The following CSMD1 variants were observed in gnomAD, a reference collection of about 807,000 sequenced individuals.
CSMD1 encodes CUB and Sushi multiple domains 1.
In CSMD1, 213 loss-of-function variants were observed where a neutral mutation model predicts 417.5. The observed-to-expected ratio is 0.51, with a 90% confidence interval of 0.46 to 0.57. CSMD1 has a LOEUF of 0.57. Ranked by LOEUF, CSMD1 falls within the 20% of genes least tolerant of loss-of-function variation. The pLI is 0.00. For synonymous variants in CSMD1, 2,862 were observed against 1,736.8 expected (o/e 1.65, Z -16.11); for missense variants, 6,923 against 4,529.7 (o/e 1.53, Z -15.17).
intron 1 of CSMD1, among the ~76,000 whole-genome samples, chr8:4,979,756 G>A (rs1477794597): frequency 6.6e-6 from 1 of 152,118 alleles, no homozygotes; most frequent in African/African-American, 2.4e-5. Context: ...TTAACTAGTT[G>A]GCCACGCGTG....
intron 2 of CSMD1, among the ~76,000 whole-genome samples, chr8:4,482,762 T>G (rs759530680): frequency 3.3e-5 from 5 of 152,190 alleles, no homozygotes; most frequent in African/African-American, 4.8e-5. Flanking sequence ...CATCTGTTAT[T>G]TTTTGACTTG....
Position 2,963,237 on chromosome 8 carries a change from T to A in CSMD1, c.9439A>T (p.Ile3147Phe). 1 of 1,613,916 alleles carries A rather than the reference T, an allele frequency of 6.2e-7. No individual in the cohort carries two copies. The highest frequency in any genetic ancestry group is 8.5e-7 in the Non-Finnish European group (1 of 1,179,854). ...CEGRGVWKGE[I>F]PQCLPVFCGD... ...TAGAACTTACGGAGACACTGGGGGA[T>A]CTCTCCTTTCCACACCCCGCGACCT... Residue 3147 changes from isoleucine (I) to phenylalanine (F), a missense_variant, in exon 60 of 70, where the codon ATC becomes TTC. By Grantham distance (21) the Ile-to-Phe change is conservative. Transcript: ENST00000635120.
At chr8:4,792,416 T>A (rs932237143) in intron 1 of CSMD1, among the ~76,000 whole-genome samples, 3 of 152,206 alleles carry the variant, frequency 2.0e-5, no homozygotes, top group African/African-American at 7.2e-5. Context: ...CTACTCAATA[T>A]TCAGCAGTGG....
intron 3 of CSMD1, among the ~76,000 whole-genome samples, chr8:4,034,461 T>C (rs906581759): frequency 3.3e-5 from 5 of 152,234 alleles, no homozygotes; most frequent in African/African-American, 9.6e-5. Flanking sequence ...GAAAATTCTG[T>C]ATTTAATTCC....
At chr8:3,918,981 AC>A (rs1809028386) in intron 5 of CSMD1, among the ~76,000 whole-genome samples, 1 of 151,934 alleles carries the variant, frequency 6.6e-6, no homozygotes, top group Non-Finnish European at 1.5e-5. Flanking sequence ...CCACTAAAAA[AC>A]TTATTCATGT....
At chr8:4,129,366 T>C (rs556898264) in intron 3 of CSMD1, among the ~76,000 whole-genome samples, 3 of 152,272 alleles carry the variant, frequency 2.0e-5, no homozygotes, top group Non-Finnish European at 2.9e-5. Context: ...CATTCCCAGT[T>C]TCCTTGACCA....
rs185648915 is a variant in CSMD1 at position 3,981,479 on chromosome 8, C to G, written c.818+16424G>C. Among the ~76,000 whole-genome samples the G allele has an allele frequency of 8.3e-3, 1,104 of 132,494 alleles. 17 individuals carry two copies. The highest frequency in any genetic ancestry group is 0.029 in the African/African-American group (1,053 of 35,886). The allele number at this position is 132,494 out of a possible 152,430, so 86.9% of individuals were successfully genotyped here. A position where few individuals can be genotyped will look rare whatever the true frequency, so the allele number is the denominator to read the frequency against. ...CATGTATCCAAATACCACCTGTACT[C>G]CAATAACTTATAGAAAAAAGTAAAA... is the stretch of plus-strand genomic sequence containing the variant. On this transcript the variant is annotated intron_variant, in intron 5 of 69. Coordinates refer to ENST00000635120, the MANE Select transcript of CSMD1 (RefSeq NM_033225.6).
chr8:4,062,322 A>G (rs1270287560), intron 3 of CSMD1, among the ~76,000 whole-genome samples: 1 of 152,048 alleles, frequency 6.6e-6, no homozygotes, highest in Non-Finnish European at 1.5e-5. Flanking sequence ...TCTAAATAAT[A>G]TGGTCCAGGG....
At chr8:3,985,635 C>G (rs191987065) in intron 5 of CSMD1, among the ~76,000 whole-genome samples, 4 of 152,116 alleles carry the variant, frequency 2.6e-5, no homozygotes, top group Non-Finnish European at 5.9e-5. Flanking sequence ...ACGGCAGAAC[C>G]GTTGCACTCA....
At chr8:4,316,107 A>AAGG (rs1798912055) in intron 3 of CSMD1, among the ~76,000 whole-genome samples, 1 of 152,176 alleles carries the variant, frequency 6.6e-6, no homozygotes, top group African/African-American at 2.4e-5. Flanking sequence ...ACCACTCATT[A>AAGG]TTGTTAACCC....
intron 6 of CSMD1, 61 bp downstream of exon 6, chr8:3,753,869 A>G (rs1316440575): frequency 8.3e-7 from 1 of 1,205,744 alleles, no homozygotes; most frequent in Non-Finnish European, 1.2e-6. Context: ...TCATGGCTAG[A>G]AAGGATCAAA....
At position 4,312,309 on chromosome 8, in the gene CSMD1, A is replaced by G. The variant is rs188598561; in HGVS notation, c.415+107644T>C. On this transcript the variant is annotated intron_variant, in intron 3 of 69. Transcript: ENST00000635120. ...TACTCATATAGGTATTTTAACACACATGATCATACCTACTTTTTTAAAAGC... is the reference window on the plus strand; with the variant it reads ...TACTCATATAGGTATTTTAACACACGTGATCATACCTACTTTTTTAAAAGC... 7.9e-5 allele frequency among the ~76,000 whole-genome samples: 12 copies of G among 151,176 alleles called. No homozygotes were observed. The East Asian group carries it at 2.1e-3, about 27-fold the overall frequency.
chr8:4,537,489 C>A (rs775779496), intron 2 of CSMD1, among the ~76,000 whole-genome samples: 1 of 151,968 alleles, frequency 6.6e-6, no homozygotes, highest in East Asian at 1.9e-4. Flanking sequence ...GTCATATATT[C>A]CAGAATTTGG....
At chr8:4,834,227 G>C (rs1046376798) in intron 1 of CSMD1, among the ~76,000 whole-genome samples, 3 of 152,198 alleles carry the variant, frequency 2.0e-5, no homozygotes, top group African/African-American at 4.8e-5. Flanking sequence ...ACGTGGTAAG[G>C]AGAGGGAAGA....
At chr8:3,442,060 A>T (rs1465679003) in intron 12 of CSMD1, among the ~76,000 whole-genome samples, 2 of 152,042 alleles carry the variant, frequency 1.3e-5, no homozygotes, top group East Asian at 3.9e-4. Context: ...TTTAAACAAA[A>T]AATTTTAAAA....
chr8:3,536,876 T>C (rs1005918511), intron 10 of CSMD1, among the ~76,000 whole-genome samples: 2 of 152,182 alleles, frequency 1.3e-5, no homozygotes, highest in Non-Finnish European at 2.9e-5. Context: ...GAATCCCAGG[T>C]AGAGAAAATT....
intron 26 of CSMD1, among the ~76,000 whole-genome samples, chr8:3,277,272 G>C (rs1440429401): frequency 6.6e-6 from 1 of 152,154 alleles, no homozygotes; most frequent in Non-Finnish European, 1.5e-5. Context: ...GAGATGAGAA[G>C]ATAGGGGAGA....
intron 1 of CSMD1, among the ~76,000 whole-genome samples, chr8:4,685,072 G>A (rs11136761): frequency 0.42 from 63,458 of 151,850 alleles, 13,699 homozygotes; most frequent in Admixed American, 0.56. Context: ...CCCAGTTATC[G>A]AGCAACTCCA....
Position 3,524,530 on chromosome 8 carries a change from CGCACACACAA to C in CSMD1, c.1345-30814_1345-30805del, listed in dbSNP as rs562601723. Among the ~76,000 whole-genome samples the C allele has an allele frequency of 1.4e-3, 206 of 150,736 alleles. 1 individual carries two copies. Among genetic ancestry groups the C allele is most frequent in the African/African-American group, 4.9e-3 (202 of 40,962 alleles). ...ACAGATGCACACATGCAAAGACATA[CGCACACACAA>C]GCACACACATGCACACACACATGCA... is the stretch of plus-strand genomic sequence containing the variant. On this transcript the variant is annotated intron_variant, in intron 10 of 69. Coordinates refer to ENST00000635120, the MANE Select transcript of CSMD1 (RefSeq NM_033225.6).
Sources: gnomAD v4.1 joint callset for allele counts (sites outside exome capture counted in the v4.1 genomes callset) on GRCh38, gnomAD v4.1.1 for gene constraint, MANE v1.5 for transcripts, NCBI Gene and HGNC (gene_info 2026-07-23, HGNC 2026-07-21) for gene names.